SHMT2: variants seen among roughly 807,000 people sequenced by gnomAD.
SHMT2 encodes the protein serine hydroxymethyltransferase, mitochondrial.
In SHMT2, 38 loss-of-function variants were observed where a neutral mutation model predicts 59.6. The observed-to-expected ratio is 0.64, with a 90% CI of 0.49 to 0.84. SHMT2 has a LOEUF of 0.84. SHMT2 is among the 40% of genes least tolerant of loss of function. SHMT2 has a pLI of 0.00. For synonymous variants in SHMT2, 254 were observed against 258.1 expected (o/e 0.98, Z 0.15); for missense variants, 533 against 659.5 (o/e 0.81, Z 2.10).
Position 57,231,899 on chromosome 12 carries a change from G to A in SHMT2, c.498G>A (p.Leu166=). The A allele has an allele frequency of 6.2e-7, 1 of 1,609,394 alleles. No homozygotes were observed. Among genetic ancestry groups the A allele is most frequent in the Non-Finnish European group, 8.5e-7 (1 of 1,177,730 alleles). The change falls in exon 4 of 12, where the codon CTG becomes CTA. Residue 166 remains leucine, a synonymous_variant. Coordinates refer to ENST00000328923, the MANE Select transcript of SHMT2 (RefSeq NM_005412.6). ...QPHDRIMGLD[L]PDGGHLTHGY... ...ACGACCGGATCATGGGGCTGGACCT[G>A]CCCGATGGGGGCCAGTGAGTATGGA...
At chr12:57,231,650 C>T in intron 3 of SHMT2, 63 bp from the exon 4 acceptor site, 1 of 1,611,556 alleles carries the variant, frequency 6.2e-7, no homozygotes. Flanking sequence ...GTGAACTTCC[C>T]AGTCCTTTGC....
chr12:57,232,197 C>G lies in SHMT2; in HGVS notation c.513-14C>G, dbSNP rs751765248. The G allele has an allele frequency of 5.0e-6, 8 of 1,613,386 alleles. No homozygotes were observed. The highest frequency in any genetic ancestry group is 6.8e-6 in the Non-Finnish European group (8 of 1,179,348). On this transcript the variant is annotated splice_polypyrimidine_tract_variant and intron_variant, in intron 4 of 11. Coordinates refer to ENST00000328923, the MANE Select transcript of SHMT2 (RefSeq NM_005412.6). ...CCTTCCACCCAGGCCTTCTTACTTC[C>G]TCTCACTTCGCAGTCTCACCCACGG...
In SHMT2 at chr12:57,234,490, G is replaced by C. The variant is rs1426849309; in HGVS notation, c.*129G>C. ...ACCTCTCACTTAGGGCAAGAGCCAGGTATAGTCTCCCTTCCCAGAATTTGT... is the reference window on the plus strand; with the variant it reads ...ACCTCTCACTTAGGGCAAGAGCCAGCTATAGTCTCCCTTCCCAGAATTTGT... On this transcript the variant is annotated 3_prime_UTR_variant, in exon 12 of 12. Transcript: ENST00000328923. 1 of 969,342 alleles carries C rather than the reference G, an allele frequency of 1.0e-6. No individual in the cohort carries two copies. The highest frequency in any genetic ancestry group is 2.7e-5 in the East Asian group (1 of 36,612). 60.0% of individuals were successfully genotyped at this position (969,342 alleles called of 1,614,324 possible). A position where few individuals can be genotyped will look rare whatever the true frequency, so the allele number is the denominator to read the frequency against.
intron 1 of SHMT2, chr12:57,230,470 G>A: frequency 8.2e-7 from 1 of 1,215,032 alleles, no homozygotes; most frequent in East Asian, 4.8e-5. Context: ...CCTGTGGGTG[G>A]GAAGGTTCTG....
At position 57,231,884 on chromosome 12, in the gene SHMT2, C is replaced by G; in HGVS notation, c.483C>G (p.Ile161Met). The G allele has an allele frequency of 3.1e-6, 5 of 1,612,620 alleles. No individual in the cohort carries two copies. Among genetic ancestry groups the G allele is most frequent in the Non-Finnish European group, 4.2e-6 (5 of 1,179,320 alleles). ...YTALLQPHDRIMGLDLPDGGH... is the reference protein window; with the variant it reads ...YTALLQPHDRMMGLDLPDGGH... ...CCCTTCTGCAACCTCACGACCGGAT[C>G]ATGGGGCTGGACCTGCCCGATGGGG... Residue 161 changes from isoleucine (I) to methionine (M), a missense_variant, in exon 4 of 12, where the codon ATC becomes ATG. By Grantham distance (10) the Ile-to-Met change is conservative. Coordinates refer to ENST00000328923, the MANE Select transcript of SHMT2 (RefSeq NM_005412.6).
In SHMT2 at chr12:57,231,544, G is replaced by A; in HGVS notation, c.295G>A (p.Gly99Ser). ...CTGTCTGAACAACAAGTACTCGGAG[G>A]GTTATCCTGGCAAGAGGTGAGGGCT... ...GSCLNNKYSEGYPGKRYYGGA... is the reference protein window; with the variant it reads ...GSCLNNKYSESYPGKRYYGGA... Residue 99 changes from glycine (G) to serine (S), a missense_variant, in exon 3 of 12, where the codon GGT becomes AGT. By Grantham distance (56) the Gly-to-Ser change is moderately conservative. Coordinates refer to ENST00000328923, the MANE Select transcript of SHMT2 (RefSeq NM_005412.6). 1 of 1,614,218 alleles carries A rather than the reference G, an allele frequency of 6.2e-7. No homozygotes were observed. Among genetic ancestry groups the A allele is most frequent in the Non-Finnish European group, 8.5e-7 (1 of 1,180,038 alleles).
Position 57,232,849 on chromosome 12 carries a change from G to C in SHMT2, c.857+6G>C, listed in dbSNP as rs1278254834. The C allele has an allele frequency of 3.7e-6, 6 of 1,602,234 alleles. No homozygotes were observed. The highest frequency in any genetic ancestry group is 5.1e-6 in the Non-Finnish European group (6 of 1,170,280). ...AAGACTCTTCGAGGGGCCAGGTCAG[G>C]CTCCCTGAGGTCGGGCCTTGCCTTT... On this transcript the variant is annotated splice_donor_region_variant and intron_variant, in intron 7 of 11. Coordinates refer to ENST00000328923, the MANE Select transcript of SHMT2 (RefSeq NM_005412.6).
chr12:57,232,728 C>T lies in SHMT2; in HGVS notation c.742C>T (p.Leu248=). The T allele has an allele frequency of 1.2e-6, 2 of 1,611,074 alleles. No homozygotes were observed. Among genetic ancestry groups the T allele is most frequent in the Non-Finnish European group, 1.7e-6 (2 of 1,177,584 alleles). The change falls in exon 7 of 12, where the codon CTG becomes TTG. Residue 248 remains leucine, a synonymous_variant. Transcript: ENST00000328923. ...GGTGTGTGATGAAGTCAAAGCACAC[C>T]TGCTGGCAGACATGGCCCACATCAG... is the stretch of plus-strand genomic sequence containing the variant. ...REVCDEVKAH[L]LADMAHISGL...
chr12:57,231,592 G>A (rs781045017), intron 3 of SHMT2, 32 bp downstream of exon 3: 1 of 1,612,130 alleles, frequency 6.2e-7, no homozygotes, highest in Non-Finnish European at 8.5e-7. Flanking sequence ...CAGGGATGGT[G>A]CTCCCAGTGG....
chr12:57,233,427 G>T, intron 8 of SHMT2, 82 bp downstream of exon 8: 1 of 1,511,290 alleles, frequency 6.6e-7, no homozygotes, highest in Non-Finnish European at 9.0e-7. Context: ...TGATGCTGGG[G>T]CTGATGGAAG....
In SHMT2 at chr12:57,233,566, T is replaced by G; in HGVS notation, c.1027T>G (p.Cys343Gly). The G allele has an allele frequency of 6.2e-7, 1 of 1,613,162 alleles. No homozygotes were observed. Among genetic ancestry groups the G allele is most frequent in the Non-Finnish European group, 8.5e-7 (1 of 1,179,458 alleles). The change falls in exon 9 of 12, where the codon TGC becomes GGC. Residue 343 changes from cysteine to glycine, a missense_variant. Coordinates refer to ENST00000328923, the MANE Select transcript of SHMT2 (RefSeq NM_005412.6). ...AAVAVALKQA[C>G]TPMFREYSLQ... ...GCTGCTACTGTCTCATCTCCAGGCC[T>G]GCACCCCCATGTTCCGGGAGTACTC...
chr12:57,233,531 T>C (rs1187604271), intron 8 of SHMT2, 32 bp from the exon 9 acceptor site: 1 of 1,598,966 alleles, frequency 6.3e-7, no homozygotes. Flanking sequence ...GGTCCAGGCC[T>C]AGGGTGACAG....
At position 57,232,472 on chromosome 12, in the gene SHMT2, A is replaced by G; in HGVS notation, c.614A>G (p.Asp205Gly). 6.2e-7 allele frequency: 1 copy of G among 1,614,162 alleles called. No individual in the cohort carries two copies. The highest frequency in any genetic ancestry group is 1.1e-5 in the South Asian group (1 of 91,074). ...GTCCAGCCCAAAACTGGCCTCATTGACTACAACCAGCTGGCACTGACTGCT... is the reference window on the plus strand; with the variant it reads ...GTCCAGCCCAAAACTGGCCTCATTGGCTACAACCAGCTGGCACTGACTGCT... ...YKLNPKTGLI[D>G]YNQLALTARL... The change falls in exon 6 of 12, where the codon GAC (aspartate) becomes GGC (glycine). Residue 205 changes from aspartate (D) to glycine (G), a missense_variant. Physicochemically the swap from Asp to Gly is moderately conservative, Grantham distance 94. Transcript: ENST00000328923.
At chr12:57,233,023 A>G (rs2037391756) in intron 7 of SHMT2, 157 bp from the exon 8 acceptor site, 1 of 1,241,432 alleles carries the variant, frequency 8.1e-7, no homozygotes, top group Admixed American at 2.6e-5. Context: ...GGATTTGTGG[A>G]TGGGATTGAG....
At position 57,234,505 on chromosome 12, in the gene SHMT2, C is replaced by T. The variant is rs2037473343; in HGVS notation, c.*144C>T. The T allele has an allele frequency of 1.2e-6, 1 of 826,404 alleles. No individual in the cohort carries two copies. The highest frequency in any genetic ancestry group is 1.7e-6 in the Non-Finnish European group (1 of 574,604). 51.2% of individuals were successfully genotyped at this position (826,404 alleles called of 1,614,324 possible). On this transcript the variant is annotated 3_prime_UTR_variant, in exon 12 of 12. Coordinates refer to ENST00000328923, the MANE Select transcript of SHMT2 (RefSeq NM_005412.6). ...CAAGAGCCAGGTATAGTCTCCCTTCCCAGAATTTGTAACTGAGAAGATCTT... is the reference window on the plus strand; with the variant it reads ...CAAGAGCCAGGTATAGTCTCCCTTCTCAGAATTTGTAACTGAGAAGATCTT...
chr12:57,230,582 G>A, intron 1 of SHMT2: 4 of 1,410,872 alleles, frequency 2.8e-6, no homozygotes, highest in South Asian at 3.0e-5. Context: ...TTTCTGAGGT[G>A]CGGTGCGGTG....
At chr12:57,233,445 C>G in intron 8 of SHMT2, 100 bp downstream of exon 8, 2 of 1,504,734 alleles carry the variant, frequency 1.3e-6, no homozygotes, top group Middle Eastern at 2.0e-4. Flanking sequence ...AAGGGAAATG[C>G]CAGGATGGAA....
chr12:57,232,428 T>G, intron 5 of SHMT2, 25 bp from the exon 6 acceptor site: 1 of 1,614,160 alleles, frequency 6.2e-7, no homozygotes. Flanking sequence ...TTCTCAGGGC[T>G]TTAGCTGTTT....
intron 1 of SHMT2, chr12:57,230,592 G>A: frequency 1.4e-6 from 2 of 1,422,848 alleles, no homozygotes; most frequent in Non-Finnish European, 1.8e-6. Context: ...GCGGTGCGGT[G>A]AATGGAGCAA....
Sources: allele counts gnomAD v4.1 joint callset, GRCh38; gene constraint gnomAD v4.1.1; transcripts MANE v1.5; gene names NCBI Gene and HGNC (gene_info 2026-07-23, HGNC 2026-07-21).